Variants in KCNH8 observed in about 807,000 individuals in gnomAD.
The protein encoded by KCNH8 is potassium voltage-gated channel subfamily H member 8, also known as voltage-gated delayed rectifier potassium channel KCNH8.
KCNH8 carries 70 observed loss-of-function variants against 103.6 expected under a neutral mutation model. The ratio of observed to expected loss-of-function variants is 0.68; its 90% CI spans 0.56 to 0.82. The LOEUF is 0.82. Among genes scored for constraint, KCNH8 ranks in the 40% least tolerant of loss-of-function variants. The pLI, the probability that KCNH8 is intolerant of heterozygous loss-of-function variation, is 0.00. For missense variants in KCNH8, 1,217 were observed against 1,329.9 expected, an observed-to-expected ratio of 0.92 and a Z score of 1.32; for synonymous variants, 498 against 489.4, an observed-to-expected ratio of 1.02 and a Z score of -0.23.
intron 2 of KCNH8, among the ~76,000 whole-genome samples, chr3:19,260,770 C>T (rs1368140443): frequency 6.8e-6 from 1 of 148,040 alleles, no homozygotes; most frequent in Non-Finnish European, 1.5e-5. Flanking sequence ...TTCTCCCCAC[C>T]CCAATGTTAA....
intron 7 of KCNH8, among the ~76,000 whole-genome samples, chr3:19,399,590 A>G (rs1241215083): frequency 6.6e-6 from 1 of 151,908 alleles, no homozygotes; most frequent in South Asian, 2.1e-4. Flanking sequence ...TTTGTTGTCT[A>G]TGAGTGTGGC....
intron 11 of KCNH8, among the ~76,000 whole-genome samples, chr3:19,488,561 C>G (rs1471943158): frequency 1.3e-5 from 2 of 152,206 alleles, no homozygotes; most frequent in Non-Finnish European, 2.9e-5. Flanking sequence ...GTAAGCCTCA[C>G]ACAGTCTTTC....
At chr3:19,248,746 A>G (rs767581118) in intron 1 of KCNH8, among the ~76,000 whole-genome samples, 2 of 152,168 alleles carry the variant, frequency 1.3e-5, no homozygotes, top group Non-Finnish European at 2.9e-5. Flanking sequence ...TAGTGGATCA[A>G]TGTTTATGCT....
At chr3:19,457,068 T>C in intron 11 of KCNH8, 86 bp downstream of exon 11, 2 of 849,334 alleles carry the variant, frequency 2.4e-6, no homozygotes, top group Non-Finnish European at 1.8e-6. Context: ...TGTCATGACC[T>C]CACCTTAAAA....
At chr3:19,436,524 C>G (rs2067202228) in intron 7 of KCNH8, among the ~76,000 whole-genome samples, 5 of 152,212 alleles carry the variant, frequency 3.3e-5, no homozygotes, top group Non-Finnish European at 5.9e-5. Flanking sequence ...GATGTTACCT[C>G]CTTTCTGTGT....
chr3:19,240,926 G>A (rs1036995814), intron 1 of KCNH8, among the ~76,000 whole-genome samples: 8 of 151,944 alleles, frequency 5.3e-5, no homozygotes, highest in Non-Finnish European at 1.2e-4. Context: ...CATTGGTATC[G>A]CTCTGGTCCA....
chr3:19,186,585 T>A (rs2063504711), intron 1 of KCNH8, among the ~76,000 whole-genome samples: 1 of 152,022 alleles, frequency 6.6e-6, no homozygotes, highest in Admixed American at 6.6e-5. Flanking sequence ...TTGATGTGTT[T>A]CTTTGTTTCG....
At chr3:19,263,367 A>G (rs535795416) in intron 2 of KCNH8, among the ~76,000 whole-genome samples, 11 of 152,116 alleles carry the variant, frequency 7.2e-5, no homozygotes, top group Non-Finnish European at 1.6e-4. Flanking sequence ...AACAATAACT[A>G]TATCTTACAA....
chr3:19,193,460 C>T (rs2063572044), intron 1 of KCNH8, among the ~76,000 whole-genome samples: 1 of 151,474 alleles, frequency 6.6e-6, no homozygotes, highest in Admixed American at 6.6e-5. Flanking sequence ...TTTATATGTG[C>T]CTGGCACTGT....
chr3:19,372,268 T>C (rs912931218), intron 5 of KCNH8, among the ~76,000 whole-genome samples: 10 of 152,106 alleles, frequency 6.6e-5, no homozygotes, highest in Non-Finnish European at 1.2e-4. Context: ...TCCATTTGTT[T>C]GTATCCTCTT....
chr3:19,515,704 G>C (rs1459176946), intron 14 of KCNH8, among the ~76,000 whole-genome samples: 1 of 151,966 alleles, frequency 6.6e-6, no homozygotes, highest in East Asian at 1.9e-4. Flanking sequence ...CTATTCATTA[G>C]AGGATGGCCA....
At chr3:19,320,690 T>C (rs2065338176) in intron 3 of KCNH8, among the ~76,000 whole-genome samples, 1 of 152,016 alleles carries the variant, frequency 6.6e-6, no homozygotes, top group Admixed American at 6.6e-5. Flanking sequence ...GATATTGGCC[T>C]TATAGAATGA....
intron 7 of KCNH8, among the ~76,000 whole-genome samples, chr3:19,396,079 G>A (rs1287478732): frequency 6.6e-6 from 1 of 151,984 alleles, no homozygotes; most frequent in Non-Finnish European, 1.5e-5. Flanking sequence ...ACCCTTTAGA[G>A]AATTGTCACA....
At chr3:19,224,326 T>C (rs988389664) in intron 1 of KCNH8, among the ~76,000 whole-genome samples, 1 of 152,168 alleles carries the variant, frequency 6.6e-6, no homozygotes, top group East Asian at 1.9e-4. Context: ...GAAAATGTAA[T>C]CTATTAAAAG....
At chr3:19,274,270 C>G (rs1326971670) in intron 2 of KCNH8, among the ~76,000 whole-genome samples, 1 of 152,058 alleles carries the variant, frequency 6.6e-6, no homozygotes, top group Non-Finnish European at 1.5e-5. Context: ...TCAGGTTGAT[C>G]AGTGGGAAAT....
intron 5 of KCNH8, among the ~76,000 whole-genome samples, chr3:19,351,875 C>T (rs2065807892): frequency 1.3e-5 from 2 of 152,120 alleles, no homozygotes; most frequent in Admixed American, 1.3e-4. Context: ...GGATCAAATT[C>T]ACACATAACA....
rs1403419879 is a variant in KCNH8, at chr3:19,284,897, AAAAGAAAAGG to A, written c.442+3576_442+3585del. Among the ~76,000 whole-genome samples the A allele has an allele frequency of 3.8e-3, 564 of 149,086 alleles. 7 individuals carry two copies. Among genetic ancestry groups the A allele is most frequent in the African/African-American group, 0.013 (504 of 39,524 alleles). On this transcript the variant is annotated intron_variant, in intron 3 of 15. Coordinates refer to ENST00000328405, the MANE Select transcript of KCNH8 (RefSeq NM_144633.3). ...AAAAAAAAAAGAAAAGGAAAGAAAG[AAAAGAAAAGG>A]AAAGAAAGAAAAGAAAAGAAAAAGA...
At chr3:19,479,763 G>A (rs958845429) in intron 11 of KCNH8, among the ~76,000 whole-genome samples, 5 of 152,162 alleles carry the variant, frequency 3.3e-5, no homozygotes, top group Non-Finnish European at 5.9e-5. Context: ...TATGAGAGTC[G>A]TGGGTTTATT....
intron 3 of KCNH8, among the ~76,000 whole-genome samples, chr3:19,287,123 A>G (rs961782832): frequency 6.6e-6 from 1 of 151,988 alleles, no homozygotes; most frequent in African/African-American, 2.4e-5. Context: ...AAAAAAGGTC[A>G]TAGGTGAGAT....
Sources: gnomAD v4.1 joint callset for allele counts (sites outside exome capture counted in the v4.1 genomes callset) on GRCh38, gnomAD v4.1.1 for gene constraint, MANE v1.5 for transcripts, NCBI Gene and HGNC (gene_info 2026-07-23, HGNC 2026-07-21) for gene names.